Variants in RBFOX1 observed in about 807,000 individuals in gnomAD.
RBFOX1 encodes the protein RNA binding protein fox-1 homolog 1.
In RBFOX1, 8 loss-of-function variants were observed where a neutral mutation model predicts 57.7. The ratio of observed to expected loss-of-function variants is 0.14; its 90% CI spans 0.08 to 0.25. RBFOX1 has a LOEUF of 0.25. Ranked by LOEUF, RBFOX1 falls within the 10% of genes least tolerant of loss-of-function variation. The pLI is 1.00. For synonymous variants in RBFOX1, 326 were observed against 222.4 expected (o/e 1.47, Z -4.15); for missense variants, 611 against 548.5 (o/e 1.11, Z -1.14).
chr16:6,832,428 C>T (rs949501159), intron 3 of RBFOX1, among the ~76,000 whole-genome samples: 2 of 152,126 alleles, frequency 1.3e-5, no homozygotes, highest in Non-Finnish European at 2.9e-5. Context: ...CTGCATTACT[C>T]ATATTTGCGA....
intron 3 of RBFOX1, among the ~76,000 whole-genome samples, chr16:6,730,726 G>T (rs2068353181): frequency 6.6e-6 from 1 of 152,118 alleles, no homozygotes; most frequent in Non-Finnish European, 1.5e-5. Context: ...TCACTGCTAG[G>T]GGCAAACAGA....
chr16:5,830,725 C>T (rs1220616458), intron 3 of RBFOX1, among the ~76,000 whole-genome samples: 1 of 152,210 alleles, frequency 6.6e-6, no homozygotes, highest in Admixed American at 6.5e-5. Flanking sequence ...ACACTGCCAT[C>T]TTTGCCACCA....
intron 1 of RBFOX1, among the ~76,000 whole-genome samples, chr16:6,239,378 T>C (rs926471412): frequency 6.6e-6 from 1 of 151,858 alleles, no homozygotes; most frequent in Non-Finnish European, 1.5e-5. Flanking sequence ...TAAATGCTTG[T>C]CATATGAATG....
At chr16:7,156,872 A>G (rs1476110921) in intron 4 of RBFOX1, among the ~76,000 whole-genome samples, 7 of 152,168 alleles carry the variant, frequency 4.6e-5, no homozygotes, top group Non-Finnish European at 7.4e-5. Flanking sequence ...TTTCATAGAT[A>G]TTGCTAATAT....
At chr16:5,767,407 A>C (rs2151664544) in intron 3 of RBFOX1, among the ~76,000 whole-genome samples, 1 of 152,300 alleles carries the variant, frequency 6.6e-6, no homozygotes, top group South Asian at 2.1e-4. Context: ...ATGGGAGTGA[A>C]GGTTGGTAGC....
chr16:5,411,753 A>C (rs970728860), intron 1 of RBFOX1, among the ~76,000 whole-genome samples: 1 of 151,654 alleles, frequency 6.6e-6, no homozygotes, highest in African/African-American at 2.4e-5. Flanking sequence ...AAAATTAGTC[A>C]GGCATGGTGG....
At chr16:5,607,403 G>T (rs753008802) in intron 3 of RBFOX1, among the ~76,000 whole-genome samples, 6 of 146,130 alleles carry the variant, frequency 4.1e-5, no homozygotes, top group Non-Finnish European at 8.9e-5. Context: ...CACAGATAGC[G>T]CAGGGTCTGC....
intron 3 of RBFOX1, among the ~76,000 whole-genome samples, chr16:6,766,527 A>G (rs28725397): frequency 0.12 from 17,821 of 151,886 alleles, 1,259 homozygotes; most frequent in African/African-American, 0.2. Flanking sequence ...GCACTGTCCA[A>G]TAGAACTTTC....
At chr16:6,390,097 C>G (rs923743270) in intron 2 of RBFOX1, among the ~76,000 whole-genome samples, 1 of 152,186 alleles carries the variant, frequency 6.6e-6, no homozygotes, top group Admixed American at 6.5e-5. Flanking sequence ...AAAGCCGTGT[C>G]TGCACTGTTG....
At chr16:6,402,460 C>G (rs1283215270) in intron 2 of RBFOX1, among the ~76,000 whole-genome samples, 3 of 152,160 alleles carry the variant, frequency 2.0e-5, no homozygotes, top group Admixed American at 2.0e-4. Context: ...AATGCACTTT[C>G]ATTGGAATTC....
rs139720363 is a variant in RBFOX1 at position 6,832,719 on chromosome 16, G to A, written c.-16+178069G>A. Among the ~76,000 whole-genome samples, 631 of 152,272 alleles carry A rather than the reference G, an allele frequency of 4.1e-3. 6 individuals are homozygous for A. Among genetic ancestry groups the A allele is most frequent in the African/African-American group, 0.014 (594 of 41,542 alleles). On this transcript the variant is annotated intron_variant, in intron 3 of 15. Transcript: ENST00000550418. ...CTCCACTTGCCCTTTTTCCATTACTGGGAAGGGTCTATCTTTGCAGCTCTC... is the reference window on the plus strand; with the variant it reads ...CTCCACTTGCCCTTTTTCCATTACTAGGAAGGGTCTATCTTTGCAGCTCTC...
At chr16:7,683,206 C>A (rs528024938) in intron 14 of RBFOX1, among the ~76,000 whole-genome samples, 1 of 148,264 alleles carries the variant, frequency 6.7e-6, no homozygotes, top group East Asian at 2.1e-4. Flanking sequence ...AGTAGAGTCA[C>A]CGTAATTTTT....
At chr16:6,519,929 C>G (rs2096466204) in intron 2 of RBFOX1, among the ~76,000 whole-genome samples, 1 of 152,152 alleles carries the variant, frequency 6.6e-6, no homozygotes, top group Non-Finnish European at 1.5e-5. Context: ...CTTAACCACC[C>G]TTCTGCAATG....
intron 2 of RBFOX1, among the ~76,000 whole-genome samples, chr16:6,387,139 G>T (rs2092337204): frequency 6.6e-6 from 1 of 152,152 alleles, no homozygotes. Flanking sequence ...ATGCCTTTTA[G>T]GGTTGGTGAC....
intron 2 of RBFOX1, among the ~76,000 whole-genome samples, chr16:6,633,962 C>T (rs981984739): frequency 1.3e-5 from 2 of 152,114 alleles, no homozygotes; most frequent in South Asian, 2.1e-4. Context: ...CTACCATAAG[C>T]GATGACCGCA....
intron 5 of RBFOX1, among the ~76,000 whole-genome samples, chr16:7,549,381 G>A (rs1244204066): frequency 6.6e-6 from 1 of 152,190 alleles, no homozygotes; most frequent in Non-Finnish European, 1.5e-5. Context: ...GGTGCAAGAG[G>A]AAGCCACTAG....
intron 4 of RBFOX1, among the ~76,000 whole-genome samples, chr16:7,201,255 G>A (rs2088343010): frequency 6.6e-6 from 1 of 152,134 alleles, no homozygotes; most frequent in South Asian, 2.1e-4. Context: ...ATACCAAAGT[G>A]AGCAACACAG....
chr16:6,516,058 A>G (rs148441736), intron 2 of RBFOX1, among the ~76,000 whole-genome samples: 286 of 152,090 alleles, frequency 1.9e-3, no homozygotes, highest in African/African-American at 6.2e-3. Context: ...GAGCAATGGT[A>G]CACTCCAATC....
Position 5,641,894 on chromosome 16 carries a change from T to C in RBFOX1, c.318+42933T>C, listed in dbSNP as rs150298139. Among the ~76,000 whole-genome samples the C allele has an allele frequency of 1.6e-4, 24 of 152,252 alleles. No individual in the cohort carries two copies. In the East Asian group the frequency reaches 4.4e-3, roughly 28 times the overall value. On this transcript the variant is annotated intron_variant, in intron 3 of 19. Coordinates refer to the RBFOX1 transcript ENST00000641259. ...TTTCCTAGGATGCATAGGAGTTTGC[T>C]CAGGAGAAGGCTATGATGCATATGT...
Sources: allele counts gnomAD v4.1 joint callset (sites outside exome capture counted in the v4.1 genomes callset), GRCh38; gene constraint gnomAD v4.1.1; transcripts MANE v1.5; gene names NCBI Gene and HGNC (gene_info 2026-07-23, HGNC 2026-07-21).